Variants in PLXNA4 observed in about 807,000 individuals in gnomAD.
The protein encoded by PLXNA4 is plexin A4.
Under a neutral mutation model 191.8 loss-of-function variants are expected in PLXNA4, and 44 were observed. The ratio of observed to expected loss-of-function variants is 0.23; its 90% CI spans 0.18 to 0.29. The LOEUF (loss-of-function observed/expected upper bound fraction) is 0.29, where lower values mean the gene tolerates loss of function less well. PLXNA4 is among the 10% of genes least tolerant of loss of function. The pLI, the probability that PLXNA4 is intolerant of heterozygous loss-of-function variation, is 1.00. For synonymous variants in PLXNA4, 1,082 were observed against 1,009.5 expected, an observed-to-expected ratio of 1.07 and a Z score of -1.36; for missense variants, 1,800 against 2,488.8, an observed-to-expected ratio of 0.72 and a Z score of 5.89.
rs1490504254 is a variant in PLXNA4 at position 132,185,213 on chromosome 7, C to A, written c.3158+86G>T. On this transcript the variant is annotated intron_variant, in intron 16 of 31. Coordinates refer to ENST00000321063, the MANE Select transcript of PLXNA4 (RefSeq NM_020911.2). ...CATCCATCCCCCAAGCAGGACTGGGCCCCCAGAACTCTCCTTGGCTTTCAA... is the reference window on the plus strand; with the variant it reads ...CATCCATCCCCCAAGCAGGACTGGGACCCCAGAACTCTCCTTGGCTTTCAA... 7 of 1,496,490 alleles carry A rather than the reference C, an allele frequency of 4.7e-6. No homozygotes were observed. In the Admixed American group the frequency reaches 8.4e-5, roughly 18 times the overall value. The allele number at this position is 1,496,490 out of a possible 1,614,324, so 92.7% of individuals were successfully genotyped here.
chr7:132,179,648 G>T (rs3734990), intron 20 of PLXNA4, 39 bp downstream of exon 20: 15 of 1,596,670 alleles, frequency 9.4e-6, no homozygotes, highest in Non-Finnish European at 1.3e-5. Context: ...ATGCACACAC[G>T]CACACACACA....
At chr7:132,387,145 G>T (rs891297350) in intron 3 of PLXNA4, among the ~76,000 whole-genome samples, 5 of 152,178 alleles carry the variant, frequency 3.3e-5, no homozygotes, top group Non-Finnish European at 7.3e-5. Flanking sequence ...AATTGCGCTG[G>T]TCTAGATCCT....
intron 3 of PLXNA4, among the ~76,000 whole-genome samples, chr7:132,396,681 C>T (rs1008181695): frequency 8.5e-5 from 13 of 152,102 alleles, no homozygotes; most frequent in Non-Finnish European, 8.8e-5. Flanking sequence ...TGGTAGAGGA[C>T]GGGGCTTCAC....
At chr7:132,439,758 T>G (rs1012569612) in intron 3 of PLXNA4, among the ~76,000 whole-genome samples, 1 of 152,194 alleles carries the variant, frequency 6.6e-6, no homozygotes, top group Non-Finnish European at 1.5e-5. Context: ...TTATTTCTAC[T>G]CTCTTTTCCC....
At chr7:132,467,110 C>G (rs1277934492) in intron 3 of PLXNA4, among the ~76,000 whole-genome samples, 1 of 152,160 alleles carries the variant, frequency 6.6e-6, no homozygotes, top group Non-Finnish European at 1.5e-5. Context: ...GGGATGGGGA[C>G]TGAGAGTCCA....
intron 20 of PLXNA4, 27 bp from the exon 21 acceptor site, chr7:132,174,947 G>A: frequency 6.2e-7 from 1 of 1,612,580 alleles, no homozygotes; most frequent in Non-Finnish European, 8.5e-7. Flanking sequence ...CCTGTGAGAT[G>A]GCTGGATGGG....
intron 4 of PLXNA4, among the ~76,000 whole-genome samples, chr7:132,286,769 T>C (rs1039524386): frequency 2.6e-5 from 4 of 152,200 alleles, no homozygotes; most frequent in African/African-American, 9.7e-5. Flanking sequence ...ACTCCTTCCC[T>C]GGAGTGGAAG....
In PLXNA4 at chr7:132,549,624, G is replaced by A. The variant is rs985163210; in HGVS notation, c.-87+26798C>T. ...CCTGGGGGCAGATTTCCGTGCTTCT[G>A]GGAGGGTCATTTCCCTGAGTCATTA... On this transcript the variant is annotated intron_variant, in intron 1 of 31. Coordinates refer to ENST00000321063, the MANE Select transcript of PLXNA4 (RefSeq NM_020911.2). 3.9e-5 allele frequency among the ~76,000 whole-genome samples: 6 copies of A among 152,132 alleles called. No homozygotes were observed. The South Asian group carries it at 1.2e-3, about 32-fold the overall frequency.
At chr7:132,202,462 C>T (rs537278104) in intron 12 of PLXNA4, among the ~76,000 whole-genome samples, 184 bp downstream of exon 12, 71 of 152,304 alleles carry the variant, frequency 4.7e-4, no homozygotes, top group Non-Finnish European at 8.8e-4. Flanking sequence ...AGTCTCTGAT[C>T]CAAGCCTAAG....
At chr7:132,643,743 G>C (rs1463648585) in intron 2 of PLXNA4, among the ~76,000 whole-genome samples, 2 of 152,066 alleles carry the variant, frequency 1.3e-5, no homozygotes, top group Non-Finnish European at 2.9e-5. Context: ...GAGGACAGGA[G>C]TTCAAGACCA....
chr7:132,130,399 T>C lies in PLXNA4; in HGVS notation c.*80A>G, dbSNP rs1014895319. 9.4e-6 allele frequency: 15 copies of C among 1,600,454 alleles called. No homozygotes were observed. The highest frequency in any genetic ancestry group is 1.3e-5 in the African/African-American group (1 of 74,684). On this transcript the variant is annotated 3_prime_UTR_variant, in exon 32 of 32. Transcript: ENST00000321063. ...GATGCTGCTGATGCCAGTCGGAACT[T>C]GCACTTGGTAAAGATGATAATCTAG... is the stretch of plus-strand genomic sequence containing the variant.
intron 1 of PLXNA4, among the ~76,000 whole-genome samples, chr7:132,543,946 G>A (rs1401319644): frequency 1.3e-5 from 2 of 152,188 alleles, no homozygotes; most frequent in African/African-American, 4.8e-5. Flanking sequence ...GAGACAGATG[G>A]GAAGTACAGG....
chr7:132,451,754 C>T lies in PLXNA4; in HGVS notation c.1371+37538G>A, dbSNP rs1007504617. Among the ~76,000 whole-genome samples the T allele has an allele frequency of 5.3e-5, 8 of 152,336 alleles. No homozygotes were observed. The East Asian group carries it at 9.7e-4, about 18-fold the overall frequency. The stretch of plus-strand genomic sequence containing the variant: ...CTCCAAAAAGAGAAGGCAGTGCCGG[C>T]CCCTGGAAGAGACCAAGCTCACACT... On this transcript the variant is annotated intron_variant, in intron 3 of 31. Transcript: ENST00000321063.
intron 31 of PLXNA4, among the ~76,000 whole-genome samples, chr7:132,131,347 A>T (rs1374349971): frequency 6.6e-6 from 1 of 152,124 alleles, no homozygotes; most frequent in Non-Finnish European, 1.5e-5. Context: ...TGAACACTCA[A>T]CGTCCTCAAC....
chr7:132,451,378 A>ACGT (rs1018201883), intron 3 of PLXNA4, among the ~76,000 whole-genome samples: 1 of 152,168 alleles, frequency 6.6e-6, no homozygotes, highest in African/African-American at 2.4e-5. Flanking sequence ...GCGGCTGCTG[A>ACGT]CGTCACATCA....
intron 1 of PLXNA4, among the ~76,000 whole-genome samples, chr7:132,557,928 GGA>G (rs56966838): frequency 1.9e-4 from 29 of 148,980 alleles, no homozygotes; most frequent in Admixed American, 4.7e-4. Flanking sequence ...TTTAAGGTAG[GGA>G]GAGAGAGAGA....
intron 22 of PLXNA4, among the ~76,000 whole-genome samples, chr7:132,167,216 A>G (rs1284177739): frequency 2.6e-5 from 4 of 152,240 alleles, no homozygotes; most frequent in Non-Finnish European, 4.4e-5. Flanking sequence ...AAGCACTGGT[A>G]GAGTGAGAGA....
chr7:132,133,298 T>C lies in PLXNA4; in HGVS notation c.5439-99A>G, dbSNP rs1330377888. On this transcript the variant is annotated intron_variant, in intron 30 of 31. Coordinates refer to ENST00000321063, the MANE Select transcript of PLXNA4 (RefSeq NM_020911.2). ...CCGTGTCTGGGGCCATGAGCTCAGC[T>C]TGCACTGCAGGTAGTGGGTACTTGT... The C allele has an allele frequency of 2.6e-6, 4 of 1,534,344 alleles. No individual in the cohort carries two copies. The African/African-American group carries it at 4.1e-5, about 16-fold the overall frequency.
At chr7:132,168,659 G>T in intron 21 of PLXNA4, 87 bp from the exon 22 acceptor site, 1 of 1,467,474 alleles carries the variant, frequency 6.8e-7, no homozygotes, top group Non-Finnish European at 9.0e-7. Flanking sequence ...CCATATCCAT[G>T]ACCCTCTCAT....
Sources: allele counts gnomAD v4.1 joint callset (sites outside exome capture counted in the v4.1 genomes callset), GRCh38; gene constraint gnomAD v4.1.1; transcripts MANE v1.5; gene names NCBI Gene and HGNC (gene_info 2026-07-23, HGNC 2026-07-21).